Variants in NRCAM observed in about 807,000 individuals in gnomAD.
NRCAM encodes neuronal cell adhesion molecule.
NRCAM carries 83 observed loss-of-function variants against 156.5 expected under a neutral mutation model. That is an observed-to-expected ratio of 0.53 (90% CI 0.44 to 0.64). The LOEUF is 0.64. Ranked by LOEUF, NRCAM falls within the 30% of genes least tolerant of loss-of-function variation. The pLI is 0.00. For missense variants in NRCAM, 1,417 were observed against 1,597.3 expected (o/e 0.89, Z 1.92); for synonymous variants, 538 against 563.9 (o/e 0.95, Z 0.65).
intron 2 of NRCAM, among the ~76,000 whole-genome samples, chr7:108,359,544 A>G (rs1173907064): frequency 6.6e-6 from 1 of 152,216 alleles, no homozygotes; most frequent in Non-Finnish European, 1.5e-5. Flanking sequence ...CACGTGTGAG[A>G]AAGAAAATCT....
At chr7:108,201,174 G>A (rs1376536572) in intron 13 of NRCAM, among the ~76,000 whole-genome samples, 4 of 116,620 alleles carry the variant, frequency 3.4e-5, no homozygotes, top group African/African-American at 1.1e-4. Flanking sequence ...TTTTAAGGTC[G>A]GTAAAAAAAA....
At chr7:108,214,691 G>A (rs1563485655) in intron 11 of NRCAM, among the ~76,000 whole-genome samples, 1 of 152,144 alleles carries the variant, frequency 6.6e-6, no homozygotes, top group South Asian at 2.1e-4. Flanking sequence ...TAATTGTGAT[G>A]TTAGGGTATC....
Position 108,217,011 on chromosome 7 carries a change from T to C in NRCAM, c.890+6714A>G, listed in dbSNP as rs114286160. 4.8e-3 allele frequency among the ~76,000 whole-genome samples: 731 copies of C among 152,142 alleles called. 10 individuals are homozygous for C. The highest frequency in any genetic ancestry group is 0.017 in the African/African-American group (703 of 41,560). ...GAAGAGGCATTCTCGTTTTTGGAAC[T>C]TTCAGACCTTTTGTACTGGTTTTTC... On this transcript the variant is annotated intron_variant, in intron 11 of 32. Coordinates refer to ENST00000379028, the MANE Select transcript of NRCAM (RefSeq NM_001037132.4).
At chr7:108,198,560 T>C (rs566350407) in intron 13 of NRCAM, among the ~76,000 whole-genome samples, 49 of 152,262 alleles carry the variant, frequency 3.2e-4, no homozygotes, top group East Asian at 2.3e-3. Context: ...CAGGAAAACA[T>C]TGCCGTGTTC....
intron 3 of NRCAM, among the ~76,000 whole-genome samples, chr7:108,270,356 G>A (rs534866580): frequency 3.3e-5 from 5 of 152,166 alleles, no homozygotes; most frequent in Non-Finnish European, 7.3e-5. Flanking sequence ...CCCCTTCAAG[G>A]TTCCCTTCTT....
chr7:108,153,628 G>C (rs890017018), intron 32 of NRCAM, among the ~76,000 whole-genome samples: 1 of 151,968 alleles, frequency 6.6e-6, no homozygotes, highest in African/African-American at 2.4e-5. Flanking sequence ...ATAAGAAAAA[G>C]AAATAGATGA....
intron 31 of NRCAM, among the ~76,000 whole-genome samples, chr7:108,159,981 T>C (rs1305634563): frequency 3.3e-5 from 5 of 152,100 alleles, no homozygotes; most frequent in Non-Finnish European, 5.9e-5. Context: ...GGGAAAGCAA[T>C]GTTACACATC....
At chr7:108,154,606 C>A (rs1349293303) in intron 32 of NRCAM, among the ~76,000 whole-genome samples, 1 of 152,144 alleles carries the variant, frequency 6.6e-6, no homozygotes, top group African/African-American at 2.4e-5. Context: ...ATTCTCCCTC[C>A]TCCAACAGAG....
intron 28 of NRCAM, among the ~76,000 whole-genome samples, chr7:108,171,204 C>T (rs1291396088): frequency 6.6e-6 from 1 of 152,190 alleles, no homozygotes; most frequent in African/African-American, 2.4e-5. Context: ...TTCCGGTGTG[C>T]CTCGCCCAAC....
chr7:108,447,638 G>A (rs746211348), intron 1 of NRCAM, among the ~76,000 whole-genome samples: 1 of 151,986 alleles, frequency 6.6e-6, no homozygotes, highest in Non-Finnish European at 1.5e-5. Context: ...CAAAACAGCT[G>A]GAAAATAGAG....
chr7:108,287,795 G>A (rs956745004), intron 3 of NRCAM, among the ~76,000 whole-genome samples: 2 of 151,874 alleles, frequency 1.3e-5, no homozygotes, highest in Non-Finnish European at 2.9e-5. Context: ...CAGCTTCTGT[G>A]GAAAACAGTA....
intron 6 of NRCAM, among the ~76,000 whole-genome samples, chr7:108,233,976 G>A (rs2094614500): frequency 6.6e-6 from 1 of 152,216 alleles, no homozygotes; most frequent in Admixed American, 6.5e-5. Context: ...ACTCTAAAAT[G>A]CTTTGCAGTG....
chr7:108,451,533 C>G (rs1850408250), intron 1 of NRCAM, among the ~76,000 whole-genome samples: 2 of 151,918 alleles, frequency 1.3e-5, no homozygotes, highest in South Asian at 4.2e-4. Flanking sequence ...TTTGCAATAG[C>G]CAAAAGATGA....
At chr7:108,337,014 C>T (rs2099201678) in intron 2 of NRCAM, among the ~76,000 whole-genome samples, 1 of 152,074 alleles carries the variant, frequency 6.6e-6, no homozygotes, top group South Asian at 2.1e-4. Context: ...CCTGTAATCC[C>T]AGCACTTTAG....
chr7:108,285,553 T>C (rs1037144593), intron 3 of NRCAM, among the ~76,000 whole-genome samples: 1 of 152,206 alleles, frequency 6.6e-6, no homozygotes, highest in African/African-American at 2.4e-5. Flanking sequence ...CTAACTAGGG[T>C]AGGGGGAAGG....
At position 108,206,634 on chromosome 7, in the gene NRCAM, T is replaced by C. The variant is rs148942978; in HGVS notation, c.1207+894A>G. On this transcript the variant is annotated intron_variant, in intron 13 of 32. Coordinates refer to ENST00000379028, the MANE Select transcript of NRCAM (RefSeq NM_001037132.4). Reference sequence around the variant, plus strand: ...AGAGGAAGAGGAGAGTCTAGTGGGTTCTCTGTTCATGGCCATGGCTTAGGA... The same window carrying C: ...AGAGGAAGAGGAGAGTCTAGTGGGTCCTCTGTTCATGGCCATGGCTTAGGA... Among the ~76,000 whole-genome samples the C allele has an allele frequency of 4.7e-3, 722 of 152,236 alleles. 10 individuals are homozygous for C. Among genetic ancestry groups the C allele is most frequent in the African/African-American group, 0.017 (695 of 41,548 alleles).
At chr7:108,212,195 G>C (rs1053084455) in intron 11 of NRCAM, among the ~76,000 whole-genome samples, 3 of 152,166 alleles carry the variant, frequency 2.0e-5, no homozygotes, top group Non-Finnish European at 4.4e-5. Context: ...GGAAAACGGG[G>C]AGAGTACTAC....
At chr7:108,330,867 G>A (rs1021796864) in intron 2 of NRCAM, among the ~76,000 whole-genome samples, 1 of 152,104 alleles carries the variant, frequency 6.6e-6, no homozygotes, top group Non-Finnish European at 1.5e-5. Context: ...CAGAGGAGGC[G>A]ATTCGTGGCA....
At chr7:108,321,445 G>C (rs1028848807) in intron 2 of NRCAM, among the ~76,000 whole-genome samples, 30 of 152,244 alleles carry the variant, frequency 2.0e-4, no homozygotes, top group African/African-American at 7.2e-4. Context: ...TAAACAATCA[G>C]ATCTCACAGT....
Sources: gnomAD v4.1 joint callset for allele counts (sites outside exome capture counted in the v4.1 genomes callset) on GRCh38, gnomAD v4.1.1 for gene constraint, MANE v1.5 for transcripts, NCBI Gene and HGNC (gene_info 2026-07-23, HGNC 2026-07-21) for gene names.